The following NDUFA10 variants were observed in gnomAD, a reference collection of about 807,000 sequenced individuals.
NDUFA10 encodes the protein NADH:ubiquinone oxidoreductase subunit A10.
In NDUFA10, 40 loss-of-function variants were observed where a neutral mutation model predicts 47.8. The observed-to-expected ratio is 0.84, with a 90% CI of 0.65 to 1.09. NDUFA10 has a LOEUF of 1.09. Ranked by LOEUF, NDUFA10 falls within the 50% of genes least tolerant of loss-of-function variation. NDUFA10 has a pLI of 0.00. For missense variants in NDUFA10, 413 were observed against 451.1 expected, an observed-to-expected ratio of 0.92 and a Z score of 0.76; for synonymous variants, 183 against 172.2, an observed-to-expected ratio of 1.06 and a Z score of -0.49.
At chr2:239,968,411 T>C (rs1695171694) in intron 9 of NDUFA10, among the ~76,000 whole-genome samples, 2 of 152,204 alleles carry the variant, frequency 1.3e-5, no homozygotes, top group African/African-American at 4.8e-5. Context: ...CAGACTTCAG[T>C]TAACGTGAAC....
intron 9 of NDUFA10, among the ~76,000 whole-genome samples, chr2:239,985,911 C>CAAAA (rs34928768): frequency 2.2e-5 from 2 of 91,832 alleles, no homozygotes; most frequent in Non-Finnish European, 4.4e-5. Context: ...GATTCTGTCT[C>CAAAA]AAAAAAAAAA....
intron 1 of NDUFA10, among the ~76,000 whole-genome samples, chr2:240,023,573 C>A (rs1215905367): frequency 6.6e-6 from 1 of 151,914 alleles, no homozygotes; most frequent in East Asian, 1.9e-4. Context: ...TGATGTAACA[C>A]CAAAAATGCA....
At position 239,959,941 on chromosome 2, in the gene NDUFA10, C is replaced by T. The variant is rs1020030582; in HGVS notation, c.*1177G>A. 3 of 985,498 alleles carry T rather than the reference C, an allele frequency of 3.0e-6. No individual in the cohort carries two copies. Among genetic ancestry groups the T allele is most frequent in the African/African-American group, 1.7e-5 (1 of 57,370 alleles). 61.0% of individuals were successfully genotyped at this position (985,498 alleles called of 1,614,324 possible). A position where few individuals can be genotyped will look rare whatever the true frequency, so the allele number is the denominator to read the frequency against. ...GCAGCGAGGCCTGGTAGAGCTTCCG[C>T]GGGGAGCAGAGCATCGTCCTCTGCA... On this transcript the variant is annotated 3_prime_UTR_variant, in exon 10 of 10. Transcript: ENST00000252711.
rs548849401 is a variant in NDUFA10 at position 239,935,803 on chromosome 2, C to T, written c.295-40489G>A. ...CTCTTTTGCCTGCCGCCATGTAAGACATGCCTTTCACCTTCTGCCATGATT... is the reference window on the plus strand; with the variant it reads ...CTCTTTTGCCTGCCGCCATGTAAGATATGCCTTTCACCTTCTGCCATGATT... On this transcript the variant is annotated intron_variant, in intron 4 of 5. Transcript: ENST00000419408. Among the ~76,000 whole-genome samples the T allele has an allele frequency of 8.0e-3, 1,221 of 152,348 alleles. 6 individuals are homozygous for T. Among genetic ancestry groups the T allele is most frequent in the South Asian group, 0.03 (147 of 4,820 alleles).
At chr2:239,997,910 A>C (rs1017292181) in intron 8 of NDUFA10, among the ~76,000 whole-genome samples, 1 of 152,242 alleles carries the variant, frequency 6.6e-6, no homozygotes, top group Non-Finnish European at 1.5e-5. Context: ...CCAAGCCCTG[A>C]TTTGCATCTC....
intron 9 of NDUFA10, among the ~76,000 whole-genome samples, chr2:239,965,890 G>T (rs1695036970): frequency 6.6e-6 from 1 of 152,180 alleles, no homozygotes; most frequent in Non-Finnish European, 1.5e-5. Context: ...TCCCTCGCTG[G>T]ATCTCTAAAT....
chr2:239,915,840 AAC>A lies in NDUFA10; in HGVS notation c.295-20528_295-20527del, dbSNP rs1227868972. Among the ~76,000 whole-genome samples, 22 of 149,794 alleles carry A rather than the reference AAC, an allele frequency of 1.5e-4. 1 individual carries two copies. In the South Asian group the frequency reaches 1.7e-3, roughly 12 times the overall value. The stretch of plus-strand genomic sequence containing the variant: ...CAGAGATACACAAACACACACACAG[AAC>A]ACACACATACACAGGCACACACAAA... On this transcript the variant is annotated intron_variant, in intron 4 of 5. Transcript: ENST00000419408.
chr2:239,962,240 C>CA lies in NDUFA10; in HGVS notation c.1000-1055_1000-1054insT, dbSNP rs1553562078. Among the ~76,000 whole-genome samples the CA allele has an allele frequency of 9.9e-5, 15 of 151,590 alleles. No individual in the cohort carries two copies. In the South Asian group the frequency reaches 1.2e-3, roughly 13 times the overall value. On this transcript the variant is annotated intron_variant, in intron 9 of 9. Coordinates refer to ENST00000252711, the MANE Select transcript of NDUFA10 (RefSeq NM_004544.4). ...ACACACACACACACACACACACACA[C>CA]CCCTTCCAAATTCTGCCCTTAAGAA...
intron 4 of NDUFA10, among the ~76,000 whole-genome samples, chr2:239,933,909 G>A (rs997148820): frequency 6.6e-6 from 1 of 152,174 alleles, no homozygotes; most frequent in South Asian, 2.1e-4. Flanking sequence ...CCAGGCTGGA[G>A]TGGAGTGACA....
intron 4 of NDUFA10, among the ~76,000 whole-genome samples, chr2:239,936,622 G>A (rs578262427): frequency 2.1e-4 from 32 of 152,280 alleles, no homozygotes; most frequent in African/African-American, 4.8e-4. Flanking sequence ...CCTGCCTTAC[G>A]CTCAGATTTG....
intron 9 of NDUFA10, among the ~76,000 whole-genome samples, chr2:239,979,697 C>T (rs1014371779): frequency 2.0e-5 from 3 of 152,140 alleles, no homozygotes; most frequent in Non-Finnish European, 4.4e-5. Flanking sequence ...CCTTTGCCCC[C>T]ACAGTTGATA....
intron 4 of NDUFA10, among the ~76,000 whole-genome samples, chr2:239,917,347 C>T (rs1184892015): frequency 6.6e-6 from 1 of 152,180 alleles, no homozygotes; most frequent in Non-Finnish European, 1.5e-5. Flanking sequence ...TGAAGACTCT[C>T]CCAGCACTCC....
chr2:239,969,187 C>T (rs896871127), intron 9 of NDUFA10, among the ~76,000 whole-genome samples: 15 of 151,920 alleles, frequency 9.9e-5, no homozygotes, highest in African/African-American at 3.6e-4. Flanking sequence ...CTGACAAAGA[C>T]GATGAATTAG....
chr2:239,915,898 GATACAC>G (rs1239685028), intron 4 of NDUFA10, among the ~76,000 whole-genome samples: 1 of 145,644 alleles, frequency 6.9e-6, no homozygotes, highest in African/African-American at 2.6e-5. Context: ...GACACACAGA[GATACAC>G]ATACACACAC....
chr2:239,949,478 G>A (rs951844586), intron 4 of NDUFA10, among the ~76,000 whole-genome samples: 2 of 152,172 alleles, frequency 1.3e-5, no homozygotes, highest in African/African-American at 4.8e-5. Flanking sequence ...CAGAAAGGTG[G>A]TGGAAGAAAG....
intron 8 of NDUFA10, among the ~76,000 whole-genome samples, chr2:239,993,412 C>T (rs1023095020): frequency 1.4e-4 from 21 of 152,176 alleles, no homozygotes; most frequent in Admixed American, 1.2e-3. Context: ...AGGGTGATTA[C>T]GTCCAAGCTT....
chr2:239,898,980 A>ATGATGGAGAGGTG (rs1166845073), intron 4 of NDUFA10, among the ~76,000 whole-genome samples: 1,201 of 79,922 alleles, frequency 0.015, 114 homozygotes, highest in Middle Eastern at 0.034. Context: ...ATGAAGAGGT[A>ATGATGGAGAGGTG]TGATGGAGAG....
intron 4 of NDUFA10, among the ~76,000 whole-genome samples, chr2:239,939,495 G>T (rs1327309022): frequency 6.6e-6 from 1 of 152,232 alleles, no homozygotes; most frequent in Non-Finnish European, 1.5e-5. Flanking sequence ...AGGCATTTCT[G>T]CTTTTGCCAC....
chr2:239,996,884 A>G (rs766662296), intron 8 of NDUFA10, among the ~76,000 whole-genome samples: 4 of 151,540 alleles, frequency 2.6e-5, no homozygotes, highest in Admixed American at 1.3e-4. Flanking sequence ...TCTTCTTCCA[A>G]TGTGGCCCAG....
Sources: gnomAD v4.1 joint callset for allele counts (sites outside exome capture counted in the v4.1 genomes callset) on GRCh38, gnomAD v4.1.1 for gene constraint, MANE v1.5 for transcripts, NCBI Gene and HGNC (gene_info 2026-07-23, HGNC 2026-07-21) for gene names.